The following ADK variants were observed in gnomAD, a reference collection of about 807,000 sequenced individuals.
ADK encodes the protein N6,N6-dimethyladenosine kinase.
ADK carries 24 observed loss-of-function variants against 44.7 expected under a neutral mutation model. The observed-to-expected ratio is 0.54, with a 90% CI of 0.39 to 0.76. The LOEUF is 0.76. Among genes scored for constraint, ADK ranks in the 30% least tolerant of loss-of-function variants. ADK has a pLI of 0.00. For missense variants in ADK, 321 were observed against 425.1 expected (o/e 0.76, Z 2.15); for synonymous variants, 128 against 142.6 (o/e 0.90, Z 0.73).
At chr10:74,517,970 C>A (rs1397180109) in intron 6 of ADK, among the ~76,000 whole-genome samples, 1 of 152,088 alleles carries the variant, frequency 6.6e-6, no homozygotes, top group African/African-American at 2.4e-5. Flanking sequence ...TCAGGGCCAA[C>A]GTTTTTCTTA....
At chr10:74,580,884 G>A (rs544003520) in intron 7 of ADK, among the ~76,000 whole-genome samples, 2 of 152,082 alleles carry the variant, frequency 1.3e-5, no homozygotes, top group South Asian at 4.2e-4. Context: ...AAATAAATAA[G>A]TAAGCCAGGC....
chr10:74,458,036 T>A (rs1253394727), intron 6 of ADK, among the ~76,000 whole-genome samples: 1 of 151,722 alleles, frequency 6.6e-6, no homozygotes, highest in Non-Finnish European at 1.5e-5. Context: ...ATAATAAAAT[T>A]TTAAAAAGAA....
At chr10:74,546,700 A>G (rs79231155) in intron 7 of ADK, among the ~76,000 whole-genome samples, 2 of 152,118 alleles carry the variant, frequency 1.3e-5, no homozygotes, top group South Asian at 4.1e-4. Flanking sequence ...TCTTAGGAAA[A>G]TAATTGGGAA....
intron 6 of ADK, among the ~76,000 whole-genome samples, chr10:74,518,438 T>C (rs1848681728): frequency 6.6e-6 from 1 of 152,224 alleles, no homozygotes; most frequent in African/African-American, 2.4e-5. Context: ...TTGTTCCTTT[T>C]TGAGCCTTCT....
chr10:74,345,421 C>T (rs1314628454), intron 4 of ADK, among the ~76,000 whole-genome samples: 3 of 152,052 alleles, frequency 2.0e-5, no homozygotes, highest in Non-Finnish European at 4.4e-5. Flanking sequence ...GATCCTCCCA[C>T]CTCAGTCTCC....
At chr10:74,305,865 T>C (rs187190912) in intron 3 of ADK, among the ~76,000 whole-genome samples, 1 of 152,304 alleles carries the variant, frequency 6.6e-6, no homozygotes, top group East Asian at 1.9e-4. Context: ...TAGCTGGGAC[T>C]ACAGGCATGC....
At chr10:74,185,629 G>A (rs1322778251) in intron 1 of ADK, among the ~76,000 whole-genome samples, 5 of 149,782 alleles carry the variant, frequency 3.3e-5, no homozygotes, top group African/African-American at 1.2e-4. Context: ...TCAGGAGATC[G>A]AGACTATCCT....
intron 3 of ADK, among the ~76,000 whole-genome samples, chr10:74,238,521 A>C (rs1458214284): frequency 6.6e-6 from 1 of 152,158 alleles, no homozygotes; most frequent in Non-Finnish European, 1.5e-5. Flanking sequence ...CTTGTGCACT[A>C]AAAAAATTTA....
intron 7 of ADK, among the ~76,000 whole-genome samples, chr10:74,579,684 A>T (rs1015769382): frequency 4.6e-5 from 7 of 152,186 alleles, no homozygotes; most frequent in Non-Finnish European, 1.0e-4. Context: ...TAGAATTTGC[A>T]TGAGACAGTG....
intron 1 of ADK, among the ~76,000 whole-genome samples, chr10:74,198,372 T>C (rs1398255802): frequency 2.6e-5 from 4 of 152,212 alleles, no homozygotes; most frequent in Admixed American, 2.0e-4. Flanking sequence ...GGGACAAATA[T>C]CTCTTTATTG....
chr10:74,208,354 T>C (rs1369724529), intron 2 of ADK, among the ~76,000 whole-genome samples: 2 of 152,230 alleles, frequency 1.3e-5, no homozygotes, highest in Non-Finnish European at 1.5e-5. Flanking sequence ...ATCTCCCCAA[T>C]TGTAGCCAGT....
intron 10 of ADK, among the ~76,000 whole-genome samples, chr10:74,676,951 T>C (rs2134218108): frequency 6.6e-6 from 1 of 152,220 alleles, no homozygotes; most frequent in South Asian, 2.1e-4. Context: ...GGAACACTAA[T>C]TACATTCTCT....
chr10:74,609,771 T>G (rs1227076418), intron 9 of ADK, among the ~76,000 whole-genome samples: 2 of 152,234 alleles, frequency 1.3e-5, no homozygotes, highest in Non-Finnish European at 2.9e-5. Context: ...AAATGTTTCC[T>G]TGGAGTTTTA....
intron 4 of ADK, among the ~76,000 whole-genome samples, chr10:74,380,176 A>G (rs1286398803): frequency 6.6e-6 from 1 of 152,088 alleles, no homozygotes; most frequent in Non-Finnish European, 1.5e-5. Flanking sequence ...ATTGTGTGGA[A>G]TCTCCATGAA....
At chr10:74,576,468 G>A (rs1851188399) in intron 7 of ADK, among the ~76,000 whole-genome samples, 1 of 151,884 alleles carries the variant, frequency 6.6e-6, no homozygotes, top group Admixed American at 6.6e-5. Flanking sequence ...AGAATAAAAG[G>A]GAATTAATAC....
At chr10:74,265,992 C>T (rs1846198569) in intron 3 of ADK, among the ~76,000 whole-genome samples, 1 of 151,724 alleles carries the variant, frequency 6.6e-6, no homozygotes, top group African/African-American at 2.4e-5. Flanking sequence ...ATAGTTGTTC[C>T]TAAAGTAATG....
intron 2 of ADK, among the ~76,000 whole-genome samples, chr10:74,208,788 G>A (rs953784818): frequency 5.3e-5 from 8 of 151,756 alleles, no homozygotes; most frequent in Admixed American, 5.3e-4. Context: ...CCAAGCTGCA[G>A]TGCAGTGGCG....
chr10:74,200,170 T>C, intron 1 of ADK, among the ~76,000 whole-genome samples: 1 of 148,192 alleles, frequency 6.7e-6, no homozygotes, highest in Admixed American at 6.7e-5. Flanking sequence ...TTTTTTTTTT[T>C]TTTTTTTGAC....
chr10:74,650,509 A>T (rs550852787), intron 9 of ADK, among the ~76,000 whole-genome samples: 1 of 152,370 alleles, frequency 6.6e-6, no homozygotes, highest in South Asian at 2.1e-4. Context: ...GTATTAAAAT[A>T]GATGAACAAA....
Sources: allele counts gnomAD v4.1 joint callset (sites outside exome capture counted in the v4.1 genomes callset), GRCh38; gene constraint gnomAD v4.1.1; transcripts MANE v1.5; gene names NCBI Gene and HGNC (gene_info 2026-07-23, HGNC 2026-07-21).